Variants in POLR1F observed in about 807,000 individuals in gnomAD.
POLR1F encodes DNA-directed RNA polymerase I subunit RPA43.
POLR1F carries 23 observed loss-of-function variants against 21.8 expected under a neutral mutation model. That is an observed-to-expected ratio of 1.05 (90% CI 0.76 to 1.49). The LOEUF is 1.49. Among genes scored for constraint, POLR1F ranks in the 40% most tolerant of loss-of-function variants. The pLI, the probability that POLR1F is intolerant of heterozygous loss-of-function variation, is 0.00. For synonymous variants in POLR1F, 162 were observed against 152.8 expected (o/e 1.06, Z -0.45); for missense variants, 435 against 412.1 (o/e 1.06, Z -0.48).
intron 1 of POLR1F, among the ~76,000 whole-genome samples, chr7:19,708,107 A>G (rs1033247825): frequency 7.2e-5 from 11 of 152,140 alleles, no homozygotes; most frequent in South Asian, 2.1e-4. Context: ...CGTAATATAA[A>G]TGCATACGTT....
chr7:19,698,246 C>G lies in POLR1F; in HGVS notation c.*70G>C. ...ACTGGCATACTTAACCTTTTCATATCACTGAAAACATTTATTCATCTATTG... is the reference window on the plus strand; with the variant it reads ...ACTGGCATACTTAACCTTTTCATATGACTGAAAACATTTATTCATCTATTG... On this transcript the variant is annotated 3_prime_UTR_variant, in exon 4 of 4. Transcript: ENST00000222567. 1 of 1,365,742 alleles carries G rather than the reference C, an allele frequency of 7.3e-7. No homozygotes were observed. The highest frequency in any genetic ancestry group is 9.6e-7 in the Non-Finnish European group (1 of 1,036,944). The allele number at this position is 1,365,742 out of a possible 1,614,324, so 84.6% of individuals were successfully genotyped here.
chr7:19,704,292 T>C (rs1783487147), intron 2 of POLR1F, among the ~76,000 whole-genome samples: 1 of 152,218 alleles, frequency 6.6e-6, no homozygotes. Context: ...TTTGTATCAA[T>C]ATCTGCATTT....
Position 19,698,813 on chromosome 7 carries a change from G to C in POLR1F, c.606-86C>G, listed in dbSNP as rs567076367. ...AGATCAAGATATCCCAACAGGCTAA[G>C]ATTTTCTAAATAATGACTCCAGTAC... is the stretch of plus-strand genomic sequence containing the variant. On this transcript the variant is annotated intron_variant, in intron 3 of 3. Transcript: ENST00000222567. 1.1e-5 allele frequency: 13 copies of C among 1,160,592 alleles called. No individual in the cohort carries two copies. In the African/African-American group the frequency reaches 1.9e-4, roughly 17 times the overall value. The allele number at this position is 1,160,592 out of a possible 1,614,324, so 71.9% of individuals were successfully genotyped here.
rs1783379817 is a variant in POLR1F at position 19,697,218 on chromosome 7, T to C, written c.*1098A>G. On this transcript the variant is annotated 3_prime_UTR_variant, in exon 4 of 4. Coordinates refer to ENST00000222567, the MANE Select transcript of POLR1F (RefSeq NM_001002926.2). The stretch of plus-strand genomic sequence containing the variant: ...CTTTTTTTCATACCACTTAATACAA[T>C]TATTAATTTTCTTATTTATTGTGTG... 1.3e-5 allele frequency: 2 copies of C among 152,214 alleles called. No individual in the cohort carries two copies. The highest frequency in any genetic ancestry group is 2.9e-5 in the Non-Finnish European group (2 of 67,942). 9.4% of individuals were successfully genotyped at this position (152,214 alleles called of 1,614,324 possible). A position where few individuals can be genotyped will look rare whatever the true frequency, so the allele number is the denominator to read the frequency against.
At chr7:19,704,757 T>C (rs749028779) in intron 2 of POLR1F, 22 bp downstream of exon 2, 2 of 1,568,370 alleles carry the variant, frequency 1.3e-6, no homozygotes, top group Non-Finnish European at 8.6e-7. Context: ...CAAAGGGAGC[T>C]AGAAAAAAGT....
chr7:19,698,544 AT>A lies in POLR1F; in HGVS notation c.788del (p.Asn263IlefsTer63), dbSNP rs776676450. 1.2e-6 allele frequency: 2 copies of A among 1,609,022 alleles called. No individual in the cohort carries two copies. Among genetic ancestry groups the A allele is most frequent in the Admixed American group, 3.4e-5 (2 of 58,786 alleles). On this transcript the variant is annotated frameshift_variant, in exon 4 of 4. Coordinates refer to ENST00000222567, the MANE Select transcript of POLR1F (RefSeq NM_001002926.2). LOFTEE classifies it high-confidence loss of function. ...DTPMEESALQNTNNANGIWEE... is the reference protein window; with the variant it reads ...DTPMEESALQXTNNANGIWEE... ...CCCAGATGCCATTCGCATTATTAGT[AT>A]TCTGCAGGGCTGACTCTTCCATTGG... is the stretch of plus-strand genomic sequence containing the variant.
Position 19,708,743 on chromosome 7 carries a change from A to C in POLR1F, c.254+20T>G. ...TTACTTCCCGTGCACAAAAGAAGGA[A>C]CAGGCAAAGAGATCGGTACCTCTCA... On this transcript the variant is annotated intron_variant, in intron 1 of 3. Coordinates refer to ENST00000222567, the MANE Select transcript of POLR1F (RefSeq NM_001002926.2). The C allele has an allele frequency of 6.3e-7, 1 of 1,591,738 alleles. No homozygotes were observed. Among genetic ancestry groups the C allele is most frequent in the Non-Finnish European group, 8.6e-7 (1 of 1,162,028 alleles).
chr7:19,704,179 C>T (rs1352449153), intron 2 of POLR1F, among the ~76,000 whole-genome samples: 1 of 152,096 alleles, frequency 6.6e-6, no homozygotes, highest in Non-Finnish European at 1.5e-5. Context: ...AGAACATATA[C>T]ACACACATAC....
intron 1 of POLR1F, among the ~76,000 whole-genome samples, chr7:19,707,897 A>C (rs552052762): frequency 1.3e-5 from 2 of 152,272 alleles, no homozygotes; most frequent in East Asian, 3.9e-4. Context: ...GAAACTGATA[A>C]AAACTTCCGA....
rs181968802 is a variant in POLR1F at position 19,700,056 on chromosome 7, G to T, written c.605+16C>A. ...AAATTAAGTACCTAGTGATAATTAC[G>T]TAATGATAAACTAACCTTGTGATAT... On this transcript the variant is annotated intron_variant, in intron 3 of 3. Coordinates refer to ENST00000222567, the MANE Select transcript of POLR1F (RefSeq NM_001002926.2). 1.3e-6 allele frequency: 2 copies of T among 1,594,374 alleles called. No individual in the cohort carries two copies. Among genetic ancestry groups the T allele is most frequent in the Non-Finnish European group, 1.7e-6 (2 of 1,162,434 alleles).
chr7:19,700,782 T>C (rs1470597697), intron 2 of POLR1F, among the ~76,000 whole-genome samples: 5 of 152,224 alleles, frequency 3.3e-5, no homozygotes, highest in Admixed American at 2.6e-4. Context: ...TTTAATTATT[T>C]AATTTAGCAT....
At chr7:19,708,579 T>C (rs1183361731) in intron 1 of POLR1F, among the ~76,000 whole-genome samples, 184 bp downstream of exon 1, 2 of 152,186 alleles carry the variant, frequency 1.3e-5, no homozygotes, top group African/African-American at 4.8e-5. Flanking sequence ...AAAGGGACCC[T>C]GTATAGATCT....
intron 2 of POLR1F, among the ~76,000 whole-genome samples, chr7:19,703,504 TGTA>T (rs746070396): frequency 3.3e-5 from 5 of 152,180 alleles, no homozygotes; most frequent in Non-Finnish European, 7.3e-5. Flanking sequence ...GAGTGGATCT[TGTA>T]GTAGGTAGAT....
In POLR1F at chr7:19,696,905, A is replaced by C. The variant is rs1228153245; in HGVS notation, c.*1411T>G. 6.6e-6 allele frequency: 1 copy of C among 152,106 alleles called. No homozygotes were observed. The highest frequency in any genetic ancestry group is 1.5e-5 in the Non-Finnish European group (1 of 67,946). 9.4% of individuals were successfully genotyped at this position (152,106 alleles called of 1,614,324 possible). A position where few individuals can be genotyped will look rare whatever the true frequency, so the allele number is the denominator to read the frequency against. Reference sequence around the variant, plus strand: ...ATTTCCAGGGCTCAATAGTCACATGAATCTCAATTGTAATCAAAGAGGTTG... The same window carrying C: ...ATTTCCAGGGCTCAATAGTCACATGCATCTCAATTGTAATCAAAGAGGTTG... On this transcript the variant is annotated 3_prime_UTR_variant, in exon 4 of 4. Transcript: ENST00000222567.
At chr7:19,707,786 C>G (rs960765890) in intron 1 of POLR1F, among the ~76,000 whole-genome samples, 3 of 152,004 alleles carry the variant, frequency 2.0e-5, no homozygotes, top group Non-Finnish European at 4.4e-5. Flanking sequence ...GTTTTTGTAT[C>G]TCAAGTGTTC....
Position 19,708,916 on chromosome 7 carries a change from T to C in POLR1F, c.101A>G (p.Tyr34Cys), listed in dbSNP as rs749518574. ...GVLPCLELPT[Y>C]AAACALVNSR... ...GTTCACCAGCGCACAAGCAGCGGCA[T>C]AAGTCGGCAACTCTAGGCAAGGCAG... Residue 34 changes from tyrosine to cysteine, a missense_variant, in exon 1 of 4, where the codon TAT (tyrosine) becomes TGT (cysteine). Transcript: ENST00000222567. 3.7e-6 allele frequency: 6 copies of C among 1,613,970 alleles called. No homozygotes were observed. Among genetic ancestry groups the C allele is most frequent in the Non-Finnish European group, 5.1e-6 (6 of 1,179,958 alleles).
chr7:19,702,894 T>G (rs1234011866), intron 2 of POLR1F, among the ~76,000 whole-genome samples: 2 of 151,978 alleles, frequency 1.3e-5, no homozygotes, highest in African/African-American at 4.8e-5. Context: ...CGATACAGAG[T>G]AAATGAAGTG....
intron 2 of POLR1F, among the ~76,000 whole-genome samples, chr7:19,703,312 G>C (rs1280232888): frequency 6.6e-6 from 1 of 152,164 alleles, no homozygotes; most frequent in East Asian, 1.9e-4. Context: ...GCAATAAAGA[G>C]AAGGAATTGG....
rs1432050666 is a variant in POLR1F, at chr7:19,697,721, G to T, written c.*595C>A. On this transcript the variant is annotated 3_prime_UTR_variant, in exon 4 of 4. Transcript: ENST00000222567. ...ACACATGCACTTGGAAGAAAGAAAA[G>T]AAAATAATGAATAGCATTTACCACC... The T allele has an allele frequency of 6.6e-6, 1 of 151,918 alleles. No individual in the cohort carries two copies. Among genetic ancestry groups the T allele is most frequent in the Non-Finnish European group, 1.5e-5 (1 of 67,968 alleles). The allele number at this position is 151,918 out of a possible 1,614,324, so 9.4% of individuals were successfully genotyped here. A position where few individuals can be genotyped will look rare whatever the true frequency, so the allele number is the denominator to read the frequency against.
Sources: gnomAD v4.1 joint callset for allele counts (sites outside exome capture counted in the v4.1 genomes callset) on GRCh38, gnomAD v4.1.1 for gene constraint, MANE v1.5 for transcripts, NCBI Gene and HGNC (gene_info 2026-07-23, HGNC 2026-07-21) for gene names.